The following FANK1 variants were observed in gnomAD, a reference collection of about 807,000 sequenced individuals.
FANK1 encodes the protein fibronectin type 3 and ankyrin repeat domains protein 1.
FANK1 carries 44 observed loss-of-function variants against 45.3 expected under a neutral mutation model. The observed-to-expected ratio is 0.97, with a 90% confidence interval of 0.76 to 1.25. FANK1 has a LOEUF of 1.25. Ranked by LOEUF, FANK1 falls within the 50% of genes most tolerant of loss-of-function variation. FANK1 has a pLI of 0.00. For missense variants in FANK1, 391 were observed against 424.4 expected (o/e 0.92, Z 0.69); for synonymous variants, 149 against 152.5 (o/e 0.98, Z 0.17).
At chr10:125,927,554 C>CT (rs1235519645) in intron 1 of FANK1, among the ~76,000 whole-genome samples, 1,633 of 147,310 alleles carry the variant, frequency 0.011, 11 homozygotes, top group African/African-American at 0.015. Context: ...CCATTATAAA[C>CT]TTTTTTTTTT....
intron 4 of FANK1, among the ~76,000 whole-genome samples, 174 bp from the exon 5 acceptor site, chr10:125,996,376 A>G (rs983435422): frequency 6.6e-6 from 1 of 152,242 alleles, no homozygotes; most frequent in African/African-American, 2.4e-5. Context: ...TTAGGTATAT[A>G]GTTTAGAAGA....
At chr10:126,002,466 G>A (rs188524725) in intron 6 of FANK1, among the ~76,000 whole-genome samples, 1 of 152,354 alleles carries the variant, frequency 6.6e-6, no homozygotes, top group Admixed American at 6.5e-5. Context: ...GGCAGGTGCT[G>A]CACCATGCTG....
chr10:125,925,059 TGAAGG>T (rs1342637739), intron 1 of FANK1, among the ~76,000 whole-genome samples: 3 of 152,090 alleles, frequency 2.0e-5, no homozygotes, highest in East Asian at 1.9e-4. Context: ...CACATTTTCT[TGAAGG>T]GAAGTCTGTT....
chr10:126,007,665 T>C (rs1426409798), intron 7 of FANK1, among the ~76,000 whole-genome samples: 1 of 147,466 alleles, frequency 6.8e-6, no homozygotes, highest in African/African-American at 2.5e-5. Context: ...TGTGTGCTTA[T>C]GTGCACATGG....
At chr10:125,932,682 C>T (rs925249206) in intron 1 of FANK1, among the ~76,000 whole-genome samples, 4 of 152,154 alleles carry the variant, frequency 2.6e-5, no homozygotes, top group Admixed American at 6.5e-5. Flanking sequence ...TTGACTTCCT[C>T]TTTACCGATT....
At chr10:125,945,012 G>C (rs1035748057) in intron 1 of FANK1, among the ~76,000 whole-genome samples, 1 of 152,106 alleles carries the variant, frequency 6.6e-6, no homozygotes, top group African/African-American at 2.4e-5. Flanking sequence ...ACCTTCCACT[G>C]TTCTTCTTAG....
At chr10:125,966,199 G>C (rs527962715) in intron 1 of FANK1, among the ~76,000 whole-genome samples, 66 of 152,260 alleles carry the variant, frequency 4.3e-4, no homozygotes, top group African/African-American at 1.5e-3. Flanking sequence ...CAACTTTTGG[G>C]CAGTTTGCAC....
Position 125,946,732 on chromosome 10 carries a change from C to T in FANK1, c.14-33429C>T, listed in dbSNP as rs1414300680. Among the ~76,000 whole-genome samples the T allele has an allele frequency of 4.9e-4, 68 of 139,594 alleles. 1 individual carries two copies. Among genetic ancestry groups the T allele is most frequent in the Non-Finnish European group, 7.3e-4 (47 of 64,248 alleles). 91.6% of individuals were successfully genotyped at this position (139,594 alleles called of 152,430 possible). ...TCCCAAATCTAGCAAGGCAGGCCAACGTTCAGATTCAGGAAATACAGAGAA... is the reference window on the plus strand; with the variant it reads ...TCCCAAATCTAGCAAGGCAGGCCAATGTTCAGATTCAGGAAATACAGAGAA... On this transcript the variant is annotated intron_variant, in intron 1 of 10. Transcript: ENST00000368693.
At chr10:125,935,661 C>G (rs1948047256) in intron 1 of FANK1, among the ~76,000 whole-genome samples, 1 of 152,068 alleles carries the variant, frequency 6.6e-6, no homozygotes, top group Non-Finnish European at 1.5e-5. Flanking sequence ...AAAAGCTGAC[C>G]AATGTCACAA....
chr10:125,927,725 T>TA (rs1464587719), intron 1 of FANK1, among the ~76,000 whole-genome samples: 4 of 151,990 alleles, frequency 2.6e-5, no homozygotes, highest in African/African-American at 9.7e-5. Flanking sequence ...TAATTTTTTT[T>TA]AGTAGAGACG....
In FANK1 at chr10:125,906,515, C is replaced by CAAAAAAAAAAAAAAAAAAAAA. The variant is rs34132526; in HGVS notation, c.13+9869_13+9889dup. Among the ~76,000 whole-genome samples the CAAAAAAAAAAAAAAAAAAAAA allele has an allele frequency of 5.8e-4, 27 of 46,418 alleles. 2 individuals are homozygous for CAAAAAAAAAAAAAAAAAAAAA. Among genetic ancestry groups the CAAAAAAAAAAAAAAAAAAAAA allele is most frequent in the Non-Finnish European group, 9.1e-4 (21 of 23,166 alleles). 30.5% of individuals were successfully genotyped at this position (46,418 alleles called of 152,430 possible). ...TTGGGGACAGAGCAAGACTCTGTCT[C>CAAAAAAAAAAAAAAAAAAAAA]AAAAAAAAAAAAAAAAAAAAAAAAA... On this transcript the variant is annotated intron_variant, in intron 1 of 10. Coordinates refer to ENST00000368693, the MANE Select transcript of FANK1 (RefSeq NM_145235.5).
At chr10:125,995,230 T>C (rs572048683) in intron 3 of FANK1, among the ~76,000 whole-genome samples, 187 bp from the exon 4 acceptor site, 1 of 152,296 alleles carries the variant, frequency 6.6e-6, no homozygotes, top group African/African-American at 2.4e-5. Context: ...AAATGTTCTC[T>C]TAATATGTGA....
chr10:126,001,156 G>A (rs936437330), intron 6 of FANK1, among the ~76,000 whole-genome samples: 5 of 152,200 alleles, frequency 3.3e-5, no homozygotes, highest in African/African-American at 1.2e-4. Flanking sequence ...CGATTAGTAA[G>A]GGTGTTTGTT....
At chr10:125,970,051 G>T (rs1212680593) in intron 1 of FANK1, among the ~76,000 whole-genome samples, 1 of 152,196 alleles carries the variant, frequency 6.6e-6, no homozygotes, top group Non-Finnish European at 1.5e-5. Flanking sequence ...GTAACAATCT[G>T]ATCTCTCTTT....
intron 6 of FANK1, among the ~76,000 whole-genome samples, chr10:126,002,989 A>G (rs1952890201): frequency 6.6e-6 from 1 of 151,986 alleles, no homozygotes; most frequent in South Asian, 2.1e-4. Flanking sequence ...GGTCTTCCAC[A>G]GCTCTATTTG....
Position 125,901,395 on chromosome 10 carries a change from G to A in FANK1, c.13+4740G>A, listed in dbSNP as rs552053157. ...ACCATGCCGTGTAAGTTATGATTGT[G>A]ATTTTTGCATGTCTTCTTCCACTGC... On this transcript the variant is annotated intron_variant, in intron 1 of 10. Coordinates refer to ENST00000368693, the MANE Select transcript of FANK1 (RefSeq NM_145235.5). Among the ~76,000 whole-genome samples the A allele has an allele frequency of 4.6e-4, 70 of 152,292 alleles. 3 individuals carry two copies. In the South Asian group the frequency reaches 0.014, roughly 31 times the overall value.
chr10:125,899,587 AG>A (rs1385191849), intron 1 of FANK1, among the ~76,000 whole-genome samples: 1 of 152,208 alleles, frequency 6.6e-6, no homozygotes, highest in African/African-American at 2.4e-5. Flanking sequence ...AATATTTAAA[AG>A]GACAAGATTA....
intron 1 of FANK1, among the ~76,000 whole-genome samples, chr10:125,961,110 A>C (rs1030412027): frequency 8.5e-5 from 13 of 152,082 alleles, no homozygotes; most frequent in African/African-American, 2.9e-4. Context: ...GCTTTTTAAA[A>C]ATTTTTTATT....
chr10:125,935,817 AAGAT>A (rs1467425858), intron 1 of FANK1, among the ~76,000 whole-genome samples: 2 of 152,300 alleles, frequency 1.3e-5, no homozygotes, highest in East Asian at 3.9e-4. Flanking sequence ...CTGGAATAGA[AAGAT>A]AATTAAGTCT....
Sources: allele counts gnomAD v4.1 joint callset (sites outside exome capture counted in the v4.1 genomes callset), GRCh38; gene constraint gnomAD v4.1.1; transcripts MANE v1.5; gene names NCBI Gene and HGNC (gene_info 2026-07-23, HGNC 2026-07-21).